Variants in SLC25A13 observed in about 807,000 individuals in gnomAD.
SLC25A13 encodes solute carrier family 25 member 13, also known as electrogenic aspartate/glutamate antiporter SLC25A13, mitochondrial.
SLC25A13 carries 70 observed loss-of-function variants against 85.5 expected under a neutral mutation model. The ratio of observed to expected loss-of-function variants is 0.82; its 90% CI spans 0.68 to 1.00. The LOEUF (loss-of-function observed/expected upper bound fraction) is 1.00. SLC25A13 is among the 50% of genes least tolerant of loss of function. SLC25A13 has a pLI of 0.00. For synonymous variants in SLC25A13, 259 were observed against 288.7 expected, an observed-to-expected ratio of 0.90 and a Z score of 1.04; for missense variants, 765 against 819.8, an observed-to-expected ratio of 0.93 and a Z score of 0.82.
chr7:96,321,995 C>G lies in SLC25A13; in HGVS notation c.-39G>C, dbSNP rs910498402. 2.6e-6 allele frequency: 4 copies of G among 1,534,158 alleles called. No homozygotes were observed. The highest frequency in any genetic ancestry group is 3.5e-6 in the Non-Finnish European group (4 of 1,140,970). On this transcript the variant is annotated 5_prime_UTR_variant, in exon 1 of 18. Coordinates refer to ENST00000265631, the MANE Select transcript of SLC25A13 (RefSeq NM_014251.3). ...TGCGGGCGACTGCGGGACCCACTGA[C>G]TGGCTGGCTGGCGTTTGGGACCCGG...
intron 15 of SLC25A13, among the ~76,000 whole-genome samples, chr7:96,124,775 T>C (rs1332608913): frequency 2.6e-5 from 4 of 152,124 alleles, no homozygotes; most frequent in African/African-American, 9.6e-5. Context: ...TGCCATCCTA[T>C]ATTATGCTAT....
chr7:96,161,416 T>C (rs989647829), intron 13 of SLC25A13, among the ~76,000 whole-genome samples: 3 of 152,210 alleles, frequency 2.0e-5, no homozygotes, highest in African/African-American at 7.2e-5. Context: ...AATAGTAACA[T>C]GGTATACAGA....
rs570078183 is a variant in SLC25A13, at chr7:96,230,708, T to C, written c.328+4094A>G. The stretch of plus-strand genomic sequence containing the variant: ...CAAAAACAAGCAATGGGGAAAGGAT[T>C]CTGTATTCAATAAACGATGCTGGGT... On this transcript the variant is annotated intron_variant, in intron 4 of 17. Transcript: ENST00000265631. Among the ~76,000 whole-genome samples the C allele has an allele frequency of 5.3e-5, 8 of 152,334 alleles. No individual in the cohort carries two copies. The South Asian group carries it at 1.7e-3, about 32-fold the overall frequency.
At chr7:96,236,952 C>T (rs541828894) in intron 3 of SLC25A13, among the ~76,000 whole-genome samples, 5 of 152,286 alleles carry the variant, frequency 3.3e-5, no homozygotes, top group South Asian at 2.1e-4. Flanking sequence ...AACCTTTTGA[C>T]GTTAGAGGGC....
chr7:96,288,632 T>A (rs930845454), intron 2 of SLC25A13, among the ~76,000 whole-genome samples: 1 of 152,174 alleles, frequency 6.6e-6, no homozygotes, highest in African/African-American at 2.4e-5. Context: ...ATCCTGCGCC[T>A]CGCTCGGAGG....
rs949620020 is a variant in SLC25A13, at chr7:96,234,900, T to G, written c.230A>C (p.Glu77Ala). ...QTKDGLISFQ[E>A]FVAFESVLCA... is the part of the protein sequence containing the mutation. Reference sequence around the variant, plus strand: ...CAGGACAGATTCAAAGGCAACAAATTCTTGAAAAGATATTAATCTGCAACA... The same window carrying G: ...CAGGACAGATTCAAAGGCAACAAATGCTTGAAAAGATATTAATCTGCAACA... The change falls in exon 4 of 18, where the codon GAA (glutamate) becomes GCA (alanine). Residue 77 changes from glutamate (E) to alanine (A), a missense_variant. Physicochemically the swap from Glu to Ala is moderately radical, Grantham distance 107. Transcript: ENST00000265631. 1.2e-6 allele frequency: 2 copies of G among 1,613,376 alleles called. No homozygotes were observed. Among genetic ancestry groups the G allele is most frequent in the African/African-American group, 2.7e-5 (2 of 74,876 alleles).
intron 13 of SLC25A13, among the ~76,000 whole-genome samples, chr7:96,164,384 A>G (rs889676677): frequency 5.3e-5 from 8 of 152,200 alleles, no homozygotes; most frequent in African/African-American, 1.7e-4. Flanking sequence ...AGCTGAAACC[A>G]TGGGAAAGAG....
At chr7:96,201,760 G>A (rs754840531) in intron 5 of SLC25A13, among the ~76,000 whole-genome samples, 29 of 152,182 alleles carry the variant, frequency 1.9e-4, no homozygotes, top group Non-Finnish European at 8.8e-5. Flanking sequence ...TGCCATGGAT[G>A]AAGGTATGTT....
intron 3 of SLC25A13, among the ~76,000 whole-genome samples, chr7:96,264,027 T>C (rs1328948332): frequency 6.6e-6 from 1 of 152,078 alleles, no homozygotes; most frequent in Non-Finnish European, 1.5e-5. Flanking sequence ...CCCAATGTCC[T>C]CTCTTTGCTC....
In SLC25A13 at chr7:96,120,334, G is replaced by C; in HGVS notation, c.*857C>G. ...AACATATTTGTCTTACATTATTCAAGATAAAGTGGATTTTAAAAGCAAGTG... is the reference window on the plus strand; with the variant it reads ...AACATATTTGTCTTACATTATTCAACATAAAGTGGATTTTAAAAGCAAGTG... On this transcript the variant is annotated 3_prime_UTR_variant, in exon 18 of 18. Transcript: ENST00000265631. 2.2e-6 allele frequency: 1 copy of C among 454,078 alleles called. No individual in the cohort carries two copies. Among genetic ancestry groups the C allele is most frequent in the Admixed American group, 2.3e-5 (1 of 42,574 alleles). 28.1% of individuals were successfully genotyped at this position (454,078 alleles called of 1,614,324 possible). A position where few individuals can be genotyped will look rare whatever the true frequency, so the allele number is the denominator to read the frequency against.
chr7:96,282,507 CCT>C (rs1259888116), intron 2 of SLC25A13, among the ~76,000 whole-genome samples: 2 of 151,904 alleles, frequency 1.3e-5, no homozygotes, highest in African/African-American at 4.8e-5. Context: ...ACTTTGATTC[CCT>C]GTTATAGGGA....
chr7:96,264,902 C>T (rs4509239), intron 3 of SLC25A13, among the ~76,000 whole-genome samples: 7,135 of 152,178 alleles, frequency 0.047, 216 homozygotes, highest in Admixed American at 0.089. Context: ...AGTTTTATAT[C>T]TTTACAAATC....
intron 2 of SLC25A13, among the ~76,000 whole-genome samples, chr7:96,293,294 A>T (rs1799200716): frequency 6.6e-6 from 1 of 152,230 alleles, no homozygotes; most frequent in Admixed American, 6.5e-5. Flanking sequence ...TGGATTAAAG[A>T]CTTACATGTT....
intron 14 of SLC25A13, among the ~76,000 whole-genome samples, chr7:96,141,460 G>A (rs1457006722): frequency 6.6e-6 from 1 of 152,202 alleles, no homozygotes; most frequent in East Asian, 1.9e-4. Flanking sequence ...TTGAGTGAGT[G>A]AATTAATATG....
At chr7:96,281,825 A>G (rs953675566) in intron 2 of SLC25A13, among the ~76,000 whole-genome samples, 4 of 152,210 alleles carry the variant, frequency 2.6e-5, no homozygotes, top group African/African-American at 9.6e-5. Flanking sequence ...AGTTTTCTCC[A>G]GTTTTTAAAA....
chr7:96,135,858 GTTTTTTTTTTT>G (rs57884645), intron 14 of SLC25A13, among the ~76,000 whole-genome samples: 2 of 132,980 alleles, frequency 1.5e-5, no homozygotes, highest in African/African-American at 5.6e-5. Flanking sequence ...TCCTGCTTTG[GTTTTTTTTTTT>G]TTTTTTTTTA....
chr7:96,307,038 T>C (rs1285160204), intron 1 of SLC25A13, among the ~76,000 whole-genome samples: 1 of 152,048 alleles, frequency 6.6e-6, no homozygotes, highest in Non-Finnish European at 1.5e-5. Context: ...TCCCCTCAGG[T>C]AGCCTCTCTC....
intron 3 of SLC25A13, among the ~76,000 whole-genome samples, chr7:96,268,894 C>T (rs1798129912): frequency 6.6e-6 from 1 of 152,198 alleles, no homozygotes; most frequent in Non-Finnish European, 1.5e-5. Context: ...AACTCTCTGT[C>T]CTCTGTACTC....
chr7:96,255,547 C>A (rs1797601600), intron 3 of SLC25A13, among the ~76,000 whole-genome samples: 1 of 152,050 alleles, frequency 6.6e-6, no homozygotes, highest in Non-Finnish European at 1.5e-5. Context: ...TTTAGCCAGC[C>A]ATGGTGGTGT....
Sources: allele counts gnomAD v4.1 joint callset (sites outside exome capture counted in the v4.1 genomes callset), GRCh38; gene constraint gnomAD v4.1.1; transcripts MANE v1.5; gene names NCBI Gene and HGNC (gene_info 2026-07-23, HGNC 2026-07-21).